Variants in ZNF618 observed in about 807,000 individuals in gnomAD.
ZNF618 encodes zinc finger protein 618, also known as neural precursor cell expressed, developmentally down-regulated 10.
A neutral mutation model predicts 103.0 loss-of-function variants in ZNF618; 34 were observed. The ratio of observed to expected loss-of-function variants is 0.33; its 90% CI spans 0.25 to 0.44. The LOEUF is 0.44. Ranked by LOEUF, ZNF618 falls within the 20% of genes least tolerant of loss-of-function variation. ZNF618 has a pLI of 1.00. For missense variants in ZNF618, 1,059 were observed against 1,295.4 expected (o/e 0.82, Z 2.80); for synonymous variants, 551 against 542.2 (o/e 1.02, Z -0.23).
intron 10 of ZNF618, among the ~76,000 whole-genome samples, chr9:114,026,172 A>G (rs987007389): frequency 7.9e-5 from 12 of 152,216 alleles, no homozygotes; most frequent in African/African-American, 2.9e-4. Flanking sequence ...TGAGGGAAGA[A>G]TGTTCGAGGC....
intron 1 of ZNF618, among the ~76,000 whole-genome samples, chr9:113,909,789 GTT>G (rs5900064): frequency 2.1e-5 from 3 of 142,356 alleles, no homozygotes; most frequent in African/African-American, 2.6e-5. Flanking sequence ...TTTTTTGTTT[GTT>G]TTTTTTTTTT....
At chr9:113,965,987 G>A (rs1837370858) in intron 1 of ZNF618, among the ~76,000 whole-genome samples, 2 of 152,126 alleles carry the variant, frequency 1.3e-5, no homozygotes, top group African/African-American at 4.8e-5. Context: ...AGGCCTTGAG[G>A]CAGAAGACCC....
At chr9:113,931,784 G>A (rs1036473922) in intron 1 of ZNF618, among the ~76,000 whole-genome samples, 2 of 152,140 alleles carry the variant, frequency 1.3e-5, no homozygotes, top group African/African-American at 2.4e-5. Context: ...TTGATACATC[G>A]GTTTAAAAAA....
At chr9:114,038,928 C>A (rs1279510497) in intron 13 of ZNF618, among the ~76,000 whole-genome samples, 5 of 152,180 alleles carry the variant, frequency 3.3e-5, no homozygotes, top group Admixed American at 2.6e-4. Context: ...TGTTCTAAGA[C>A]TTTTACATAT....
At chr9:114,009,788 C>T (rs1292614836) in intron 9 of ZNF618, among the ~76,000 whole-genome samples, 4 of 152,112 alleles carry the variant, frequency 2.6e-5, no homozygotes, top group Non-Finnish European at 2.9e-5. Flanking sequence ...GGGCAGAGCT[C>T]GATCCCAGCT....
intron 2 of ZNF618, among the ~76,000 whole-genome samples, chr9:113,975,031 C>T (rs1422172222): frequency 6.6e-6 from 1 of 152,146 alleles, no homozygotes; most frequent in Non-Finnish European, 1.5e-5. Context: ...AGCAGGTGCT[C>T]AGTAAACATT....
intron 1 of ZNF618, among the ~76,000 whole-genome samples, chr9:113,943,087 G>T (rs1467157293): frequency 6.6e-6 from 1 of 152,038 alleles, no homozygotes; most frequent in Non-Finnish European, 1.5e-5. Context: ...ATAGGGTAGG[G>T]GTGTGATTTC....
chr9:114,029,204 G>A (rs1039613843), intron 11 of ZNF618, among the ~76,000 whole-genome samples: 1 of 152,124 alleles, frequency 6.6e-6, no homozygotes, highest in Admixed American at 6.5e-5. Context: ...GTTGTACAAG[G>A]AGGTTTGCAA....
Position 114,049,654 on chromosome 9 carries a change from C to T in ZNF618, c.2352C>T (p.Leu784=), listed in dbSNP as rs190996030. ...ACGACGCAGGCACTGTCAGCAAGCTCTGCCACCTCTTCCTGGAGGCGCTCA... is the reference window on the plus strand; with the variant it reads ...ACGACGCAGGCACTGTCAGCAAGCTTTGCCACCTCTTCCTGGAGGCGCTCA... ...KANDAGTVSK[L]CHLFLEALKE... The change falls in exon 15 of 15, where the codon CTC becomes CTT. Residue 784 remains leucine (L), a synonymous_variant. Transcript: ENST00000374126. 1 of 1,613,840 alleles carries T rather than the reference C, an allele frequency of 6.2e-7. No homozygotes were observed. The highest frequency in any genetic ancestry group is 2.2e-5 in the East Asian group (1 of 44,874).
chr9:114,007,281 T>C, intron 6 of ZNF618, 69 bp from the exon 7 acceptor site: 1 of 1,376,934 alleles, frequency 7.3e-7, no homozygotes, highest in South Asian at 1.2e-5. Context: ...TGAGATGATC[T>C]GGCCAGAAAA....
At chr9:114,029,267 C>T (rs1305027916) in intron 11 of ZNF618, among the ~76,000 whole-genome samples, 1 of 152,104 alleles carries the variant, frequency 6.6e-6, no homozygotes. Flanking sequence ...GCCTGAGGGG[C>T]CTGTTTTGAC....
intron 14 of ZNF618, 77 bp from the exon 15 acceptor site, chr9:114,048,574 A>T: frequency 1.4e-6 from 2 of 1,431,360 alleles, no homozygotes; most frequent in Non-Finnish European, 1.9e-6. Flanking sequence ...CTAGATGTTT[A>T]GAGTGTTAGG....
Position 114,003,364 on chromosome 9 carries a change from G to GT in ZNF618, c.550+703dup, listed in dbSNP as rs1401483565. Among the ~76,000 whole-genome samples, 6 of 152,238 alleles carry GT rather than the reference G, an allele frequency of 3.9e-5. No individual in the cohort carries two copies. The East Asian group carries it at 9.6e-4, about 24-fold the overall frequency. On this transcript the variant is annotated intron_variant, in intron 6 of 14. Transcript: ENST00000374126. ...GAAGCTTCAGAAGTCACAGTTCCAC[G>GT]TGTAGGTATGTCGCCAACAGAAACG...
intron 2 of ZNF618, among the ~76,000 whole-genome samples, chr9:113,973,264 A>G (rs1838162088): frequency 6.6e-6 from 1 of 152,160 alleles, no homozygotes; most frequent in Non-Finnish European, 1.5e-5. Flanking sequence ...GACGGCTCTG[A>G]GCAGAATGAC....
rs1827921507 is a variant in ZNF618 at position 113,876,353 on chromosome 9, C to G, written c.-28C>G. 1 of 1,186,476 alleles carries G rather than the reference C, an allele frequency of 8.4e-7. No individual in the cohort carries two copies. Among genetic ancestry groups the G allele is most frequent in the Non-Finnish European group, 1.0e-6 (1 of 962,386 alleles). 73.5% of individuals were successfully genotyped at this position (1,186,476 alleles called of 1,614,324 possible). A position where few individuals can be genotyped will look rare whatever the true frequency, so the allele number is the denominator to read the frequency against. ...CCCGGCCCGGGAGGAGCAGGACGCG[C>G]CGGGGCCGCCTCCTCCCGCACGGAC... On this transcript the variant is annotated 5_prime_UTR_variant, in exon 1 of 15. Coordinates refer to ENST00000374126, the MANE Select transcript of ZNF618 (RefSeq NM_001318042.2).
At chr9:114,032,040 C>T (rs1264752709) in intron 11 of ZNF618, among the ~76,000 whole-genome samples, 1 of 152,204 alleles carries the variant, frequency 6.6e-6, no homozygotes, top group Non-Finnish European at 1.5e-5. Flanking sequence ...CAGAGACACC[C>T]CAGTAGTCAC....
At chr9:113,915,734 G>A (rs1832009574) in intron 1 of ZNF618, among the ~76,000 whole-genome samples, 1 of 152,082 alleles carries the variant, frequency 6.6e-6, no homozygotes, top group South Asian at 2.1e-4. Context: ...GGAAAGGAGG[G>A]AGGGATAGAG....
chr9:113,952,894 A>G (rs1270879404), intron 1 of ZNF618, among the ~76,000 whole-genome samples: 3 of 152,230 alleles, frequency 2.0e-5, no homozygotes, highest in Admixed American at 6.5e-5. Flanking sequence ...ACATCTCAGG[A>G]CATCAGTTTC....
intron 9 of ZNF618, among the ~76,000 whole-genome samples, chr9:114,015,863 C>T (rs1842601601): frequency 1.3e-5 from 2 of 152,156 alleles, no homozygotes; most frequent in African/African-American, 4.8e-5. Context: ...AAAGTAATGT[C>T]GGTTGAATAC....
Sources: gnomAD v4.1 joint callset for allele counts (sites outside exome capture counted in the v4.1 genomes callset) on GRCh38, gnomAD v4.1.1 for gene constraint, MANE v1.5 for transcripts, NCBI Gene and HGNC (gene_info 2026-07-23, HGNC 2026-07-21) for gene names.